Variants in LGALS3 observed in about 807,000 individuals in gnomAD.
LGALS3 encodes galectin 3.
A neutral mutation model predicts 20.7 loss-of-function variants in LGALS3; 18 were observed. The observed-to-expected ratio is 0.87, with a 90% CI of 0.60 to 1.29. The LOEUF (loss-of-function observed/expected upper bound fraction) is 1.29, where lower values mean the gene tolerates loss of function less well. Ranked by LOEUF, LGALS3 falls within the 50% of genes most tolerant of loss-of-function variation. The probability of loss-of-function intolerance (pLI) is 0.00; values close to 1 mark genes in which losing one functional copy is unlikely to be tolerated. For missense variants in LGALS3, 315 were observed against 314.7 expected (o/e 1.00, Z -0.01); for synonymous variants, 112 against 119.6 (o/e 0.94, Z 0.42).
At chr14:55,131,247 G>T (rs2140287323) in intron 1 of LGALS3, among the ~76,000 whole-genome samples, 1 of 152,314 alleles carries the variant, frequency 6.6e-6, no homozygotes, top group South Asian at 2.1e-4. Flanking sequence ...CCGAAAACTA[G>T]CTGTGTCCAA....
chr14:55,139,704 C>A (rs544563970), intron 3 of LGALS3, among the ~76,000 whole-genome samples: 2 of 152,154 alleles, frequency 1.3e-5, no homozygotes, highest in South Asian at 4.2e-4. Context: ...AGAAAAGAGG[C>A]CATAAATAAA....
In LGALS3 at chr14:55,137,804, G is replaced by A. The variant is rs531084805; in HGVS notation, c.19-241G>A. On this transcript the variant is annotated intron_variant, in intron 2 of 5. Transcript: ENST00000254301. ...CCTGACTTGAGCTAATTATGAAAAT[G>A]CAGCCCTCCCTGATCTGAGACGTTG... The A allele has an allele frequency of 3.9e-6, 5 of 1,296,366 alleles. No individual in the cohort carries two copies. In the East Asian group the frequency reaches 1.5e-4, roughly 38 times the overall value. The allele number at this position is 1,296,366 out of a possible 1,614,324, so 80.3% of individuals were successfully genotyped here.
chr14:55,131,176 G>A (rs1222067176), intron 1 of LGALS3, among the ~76,000 whole-genome samples: 1 of 152,210 alleles, frequency 6.6e-6, no homozygotes, highest in Admixed American at 6.5e-5. Flanking sequence ...AGTGCTAGGA[G>A]GATGCCTCAC....
In LGALS3 at chr14:55,129,633, C is replaced by T. The variant is rs556297523; in HGVS notation, c.-5+333C>T. ...CGCCGTCGCACCTCCGCCGCCTGCG[C>T]TCTGCGGCCCCAGAGTAAGCCCCAT... On this transcript the variant is annotated intron_variant, in intron 1 of 5. Coordinates refer to ENST00000254301, the MANE Select transcript of LGALS3 (RefSeq NM_002306.4). This position sits in a 1 kb window ranked among gnomAD's most constrained non-coding sequence, Gnocchi z 5.3. Among the ~76,000 whole-genome samples, 25 of 152,356 alleles carry T rather than the reference C, an allele frequency of 1.6e-4. 1 individual carries two copies. Among genetic ancestry groups the T allele is most frequent in the Middle Eastern group, 3.4e-3 (1 of 294 alleles).
chr14:55,141,487 G>C (rs141903952), intron 4 of LGALS3, among the ~76,000 whole-genome samples: 2 of 152,212 alleles, frequency 1.3e-5, no homozygotes, highest in African/African-American at 4.8e-5. Flanking sequence ...ACCCAGTTTG[G>C]TATCCTTGTC....
intron 1 of LGALS3, 199 bp from the exon 2 acceptor site, chr14:55,137,171 G>A: frequency 1.6e-6 from 1 of 641,842 alleles, no homozygotes; most frequent in East Asian, 2.7e-5. Flanking sequence ...GTTTAAACTT[G>A]TGAGTTAAAT....
intron 5 of LGALS3, chr14:55,143,305 G>A (rs1257537851): frequency 5.1e-6 from 1 of 197,036 alleles, no homozygotes; most frequent in Non-Finnish European, 1.1e-5. Context: ...ATTTAGGGTT[G>A]ACTATAGAGT....
At chr14:55,130,742 G>T (rs1333600528) in intron 1 of LGALS3, among the ~76,000 whole-genome samples, 1 of 77,322 alleles carries the variant, frequency 1.3e-5, no homozygotes, top group Non-Finnish European at 3.5e-5. Flanking sequence ...TATTTTTCGT[G>T]GTGGTGGTGG....
rs906662584 is a variant in LGALS3 at position 55,129,402 on chromosome 14, G to A, written c.-5+102G>A. 6.6e-6 allele frequency: 1 copy of A among 152,066 alleles called. No homozygotes were observed. Among genetic ancestry groups the A allele is most frequent in the African/African-American group, 2.4e-5 (1 of 41,402 alleles). 9.4% of individuals were successfully genotyped at this position (152,066 alleles called of 1,614,324 possible). A position where few individuals can be genotyped will look rare whatever the true frequency, so the allele number is the denominator to read the frequency against. The stretch of plus-strand genomic sequence containing the variant: ...GTCCGGAGAGGGTTCGGCTCCCCGG[G>A]ACCGGGCCGGGGCGCGCGCGGAGAG... On this transcript the variant is annotated intron_variant, in intron 1 of 5. Coordinates refer to ENST00000254301, the MANE Select transcript of LGALS3 (RefSeq NM_002306.4). This position sits in a 1 kb window ranked among gnomAD's most constrained non-coding sequence, Gnocchi z 5.3.
Position 55,140,262 on chromosome 14 carries a change from T to C in LGALS3, c.343-13T>C, listed in dbSNP as rs1272919067. Reference sequence around the variant, plus strand: ...GACTCCTTATTGACACATATGTACTTGTTAATTCCCAGATTGTGCCTTATA... The same window carrying C: ...GACTCCTTATTGACACATATGTACTCGTTAATTCCCAGATTGTGCCTTATA... On this transcript the variant is annotated splice_polypyrimidine_tract_variant and intron_variant, in intron 3 of 5. Coordinates refer to ENST00000254301, the MANE Select transcript of LGALS3 (RefSeq NM_002306.4). The C allele has an allele frequency of 6.3e-7, 1 of 1,578,240 alleles. No homozygotes were observed. Among genetic ancestry groups the C allele is most frequent in the Admixed American group, 1.7e-5 (1 of 59,670 alleles).
At position 55,140,341 on chromosome 14, in the gene LGALS3, A is replaced by G. The variant is rs749582007; in HGVS notation, c.409A>G (p.Thr137Ala). 3.7e-6 allele frequency: 6 copies of G among 1,612,936 alleles called. No individual in the cohort carries two copies. In the African/African-American group the frequency reaches 8.0e-5, roughly 21 times the overall value. ...TCGCATGCTGATAACAATTCTGGGCACGGTGAAGCCCAATGCAAACAGGTA... is the reference window on the plus strand; with the variant it reads ...TCGCATGCTGATAACAATTCTGGGCGCGGTGAAGCCCAATGCAAACAGGTA... ...VPRMLITILG[T>A]VKPNANRIAL... Residue 137 changes from threonine to alanine, a missense_variant, in exon 4 of 6, where the codon ACG becomes GCG. By Grantham distance (58) the Thr-to-Ala change is moderately conservative (BLOSUM62 0). Coordinates refer to ENST00000254301, the MANE Select transcript of LGALS3 (RefSeq NM_002306.4).
chr14:55,140,462 A>G, intron 4 of LGALS3, 99 bp downstream of exon 4: 1 of 672,212 alleles, frequency 1.5e-6, no homozygotes, highest in Non-Finnish European at 2.5e-6. Flanking sequence ...TTACAGTGCT[A>G]TTTTGAATTT....
chr14:55,137,351 T>G lies in LGALS3; in HGVS notation c.-4-19T>G. ...GGTGAAAGCTTTTAGGATAAAATGA[T>G]AATCTTTGTTTCTTTCAGGAAAATG... On this transcript the variant is annotated intron_variant, in intron 1 of 5. Transcript: ENST00000254301. 1.2e-6 allele frequency: 2 copies of G among 1,611,550 alleles called. No homozygotes were observed. The highest frequency in any genetic ancestry group is 2.2e-5 in the South Asian group (2 of 91,026).
intron 1 of LGALS3, among the ~76,000 whole-genome samples, chr14:55,130,387 ATGAGGACACCTGGACCTCAGTGACT>A (rs1566779376): frequency 6.6e-6 from 1 of 152,132 alleles, no homozygotes. Flanking sequence ...TTGCTGCGCA[ATGAGGACACCTGGACCTCAGTGACT>A]CAGGCTGTCT....
chr14:55,132,683 T>C (rs1881268253), intron 1 of LGALS3, among the ~76,000 whole-genome samples: 1 of 152,186 alleles, frequency 6.6e-6, no homozygotes, highest in Non-Finnish European at 1.5e-5. Flanking sequence ...TTCTCCTGCC[T>C]CAGCCTCCTG....
intron 2 of LGALS3, 41 bp from the exon 3 acceptor site, chr14:55,138,004 A>G: frequency 6.8e-6 from 10 of 1,462,834 alleles, no homozygotes; most frequent in African/African-American, 1.4e-5. Flanking sequence ...TGCTTTTGAG[A>G]ATGCTTTCTG....
intron 4 of LGALS3, 99 bp from the exon 5 acceptor site, chr14:55,142,485 A>G: frequency 2.1e-6 from 2 of 934,128 alleles, no homozygotes; most frequent in Non-Finnish European, 3.2e-6. Context: ...TAGGTACTGT[A>G]TTATGAAATT....
rs1330969534 is a variant in LGALS3, at chr14:55,145,360, TTCA to T, written c.*93_*95del. 1 of 1,580,812 alleles carries T rather than the reference TTCA, an allele frequency of 6.3e-7. No homozygotes were observed. The highest frequency in any genetic ancestry group is 8.6e-7 in the Non-Finnish European group (1 of 1,164,270). Reference sequence around the variant, plus strand: ...TTCACTGTGAGTGAAAATTTTTACATTCATCAATATCCCTCTTGTAAGTCATCT... The same window carrying T: ...TTCACTGTGAGTGAAAATTTTTACATTCAATATCCCTCTTGTAAGTCATCT... On this transcript the variant is annotated 3_prime_UTR_variant, in exon 6 of 6. Transcript: ENST00000254301.
At position 55,138,221 on chromosome 14, in the gene LGALS3, AGCACCTGGAGCTTATCCCGGAGCACCT is replaced by A. The variant is rs1881484233; in HGVS notation, c.206_232del (p.Ala69_Gly77del). 4.3e-6 allele frequency: 7 copies of A among 1,612,532 alleles called. No individual in the cohort carries two copies. The highest frequency in any genetic ancestry group is 2.7e-5 in the African/African-American group (2 of 74,864). ...AGGCACCTCCAGGCGCCTACCCTGG[AGCACCTGGAGCTTATCCCGGAGCACCT>A]GCACCTGGAGTCTACCCAGGGCCAC... On this transcript the variant is annotated inframe_deletion, in exon 3 of 6. Coordinates refer to ENST00000254301, the MANE Select transcript of LGALS3 (RefSeq NM_002306.4).
Sources: allele counts gnomAD v4.1 joint callset (sites outside exome capture counted in the v4.1 genomes callset), GRCh38; gene constraint gnomAD v4.1.1; non-coding constraint Gnocchi (gnomAD v3.1); transcripts MANE v1.5; gene names NCBI Gene and HGNC (gene_info 2026-07-23, HGNC 2026-07-21).